The following CARMIL1 variants were observed in gnomAD, a reference collection of about 807,000 sequenced individuals.
CARMIL1 encodes the protein capping protein regulator and myosin 1 linker 1.
CARMIL1 carries 90 observed loss-of-function variants against 177.1 expected under a neutral mutation model. The observed-to-expected ratio is 0.51, with a 90% CI of 0.43 to 0.61. The LOEUF (loss-of-function observed/expected upper bound fraction) is 0.61, where lower values mean the gene tolerates loss of function less well. Among genes scored for constraint, CARMIL1 ranks in the 20% least tolerant of loss-of-function variants. CARMIL1 has a pLI of 0.00. For synonymous variants in CARMIL1, 577 were observed against 606.2 expected (o/e 0.95, Z 0.71); for missense variants, 1,380 against 1,667.0 (o/e 0.83, Z 3.00).
chr6:25,444,213 C>T (rs1306019120), intron 5 of CARMIL1, among the ~76,000 whole-genome samples: 1 of 152,108 alleles, frequency 6.6e-6, no homozygotes, highest in Non-Finnish European at 1.5e-5. Context: ...ATTTTACTCA[C>T]AGTAGAACTT....
At chr6:25,501,177 T>G (rs1804289368) in intron 17 of CARMIL1, among the ~76,000 whole-genome samples, 1 of 152,060 alleles carries the variant, frequency 6.6e-6, no homozygotes, top group African/African-American at 2.4e-5. Flanking sequence ...AGAGCCTGAC[T>G]TAACATGTCA....
chr6:25,366,493 C>T (rs1412169726), intron 2 of CARMIL1, among the ~76,000 whole-genome samples: 3 of 151,846 alleles, frequency 2.0e-5, no homozygotes, highest in Non-Finnish European at 4.4e-5. Context: ...ACACTTTGAT[C>T]AGCTTTGAAC....
At chr6:25,377,721 C>T (rs1791129905) in intron 2 of CARMIL1, among the ~76,000 whole-genome samples, 1 of 152,080 alleles carries the variant, frequency 6.6e-6, no homozygotes, top group Non-Finnish European at 1.5e-5. Flanking sequence ...TCTTGGTTAG[C>T]CAGGGTGTTG....
intron 2 of CARMIL1, among the ~76,000 whole-genome samples, chr6:25,316,901 GC>G (rs1210993011): frequency 6.6e-6 from 1 of 152,144 alleles, no homozygotes; most frequent in Non-Finnish European, 1.5e-5. Flanking sequence ...TTACTAGAAA[GC>G]AGTGCACCTG....
chr6:25,279,774 C>T lies in CARMIL1; in HGVS notation c.-22C>T. ...TAAATCAGAGTTGGACCTGCAATAA[C>T]CCCCACACCTACAGGGCAACCATGA... is the stretch of plus-strand genomic sequence containing the variant. On this transcript the variant is annotated 5_prime_UTR_variant, in exon 1 of 37. Transcript: ENST00000329474. 2 of 1,613,488 alleles carry T rather than the reference C, an allele frequency of 1.2e-6. No homozygotes were observed. The highest frequency in any genetic ancestry group is 1.7e-6 in the Non-Finnish European group (2 of 1,179,450).
At chr6:25,366,746 C>A (rs1789856292) in intron 2 of CARMIL1, among the ~76,000 whole-genome samples, 1 of 151,884 alleles carries the variant, frequency 6.6e-6, no homozygotes, top group Admixed American at 6.6e-5. Flanking sequence ...AGAGAATAAT[C>A]ATGTCTGTAC....
At chr6:25,280,082 G>T (rs1035993889) in intron 1 of CARMIL1, among the ~76,000 whole-genome samples, 1 of 152,190 alleles carries the variant, frequency 6.6e-6, no homozygotes, top group Non-Finnish European at 1.5e-5. Context: ...TGGGAGGAGG[G>T]TCTCGACTGT....
chr6:25,445,613 C>T (rs1180053697), intron 5 of CARMIL1, among the ~76,000 whole-genome samples: 1 of 150,610 alleles, frequency 6.6e-6, no homozygotes, highest in East Asian at 1.9e-4. Flanking sequence ...CGGCTCACTG[C>T]AAGCTCCGCC....
At chr6:25,497,627 A>G (rs184587243) in intron 16 of CARMIL1, among the ~76,000 whole-genome samples, 205 of 152,314 alleles carry the variant, frequency 1.3e-3, no homozygotes, top group African/African-American at 4.4e-3. Flanking sequence ...TCATGGGCTC[A>G]GCAGTGTTCC....
In CARMIL1 at chr6:25,606,311, G is replaced by A. The variant is rs375087549; in HGVS notation, c.3847+38G>A. On this transcript the variant is annotated intron_variant, in intron 35 of 36. Coordinates refer to ENST00000329474, the MANE Select transcript of CARMIL1 (RefSeq NM_017640.6). ...CAGTTAGGGAGTTGCATTGTGACCA[G>A]GTGGCTTCCCAGAGCCAGCTGGATC... The A allele has an allele frequency of 9.9e-4, 1,580 of 1,590,344 alleles. 1 individual carries two copies. Among genetic ancestry groups the A allele is most frequent in the Admixed American group, 3.1e-3 (178 of 57,690 alleles).
intron 2 of CARMIL1, among the ~76,000 whole-genome samples, chr6:25,363,901 C>T (rs569231417): frequency 6.6e-6 from 1 of 152,244 alleles, no homozygotes; most frequent in East Asian, 1.9e-4. Flanking sequence ...CACTTTAACA[C>T]TTTTTAGATT....
intron 9 of CARMIL1, among the ~76,000 whole-genome samples, chr6:25,469,895 A>G (rs1306154746): frequency 6.6e-6 from 1 of 152,202 alleles, no homozygotes; most frequent in Non-Finnish European, 1.5e-5. Flanking sequence ...GTCAAGAACC[A>G]CTTTAAATTA....
At chr6:25,365,256 T>C (rs565403056) in intron 2 of CARMIL1, among the ~76,000 whole-genome samples, 28 of 152,200 alleles carry the variant, frequency 1.8e-4, no homozygotes, top group Admixed American at 3.9e-4. Context: ...GGTTGTAGTA[T>C]AGAGAATAAA....
intron 29 of CARMIL1, among the ~76,000 whole-genome samples, chr6:25,572,199 TTG>T (rs1303276266): frequency 6.6e-6 from 1 of 152,154 alleles, no homozygotes; most frequent in Non-Finnish European, 1.5e-5. Context: ...TTTTCTGTGT[TTG>T]TGTTAGAGAT....
intron 11 of CARMIL1, among the ~76,000 whole-genome samples, chr6:25,477,614 T>G (rs1197029606): frequency 1.4e-5 from 2 of 147,100 alleles, no homozygotes; most frequent in African/African-American, 5.0e-5. Flanking sequence ...TAATAGTTCA[T>G]GACAAGCAAT....
At chr6:25,354,125 T>C (rs1788348810) in intron 2 of CARMIL1, among the ~76,000 whole-genome samples, 1 of 152,070 alleles carries the variant, frequency 6.6e-6, no homozygotes, top group East Asian at 1.9e-4. Context: ...TATGATATGT[T>C]CTGGTCAATT....
chr6:25,471,368 G>T, intron 10 of CARMIL1, 111 bp downstream of exon 10: 1 of 635,086 alleles, frequency 1.6e-6, no homozygotes, highest in South Asian at 2.7e-5. Flanking sequence ...CACATATACA[G>T]CAATGTTTTT....
chr6:25,584,087 GCA>G (rs1166181040), intron 31 of CARMIL1, among the ~76,000 whole-genome samples: 4 of 148,634 alleles, frequency 2.7e-5, no homozygotes, highest in Non-Finnish European at 5.9e-5. Flanking sequence ...GAGTGCAGCG[GCA>G]CAGTCATGCC....
intron 24 of CARMIL1, among the ~76,000 whole-genome samples, chr6:25,533,513 T>A (rs1294361184): frequency 6.6e-6 from 1 of 152,218 alleles, no homozygotes; most frequent in Non-Finnish European, 1.5e-5. Context: ...TTCTTACCAG[T>A]AAACATTAAT....
Sources: allele counts gnomAD v4.1 joint callset (sites outside exome capture counted in the v4.1 genomes callset), GRCh38; gene constraint gnomAD v4.1.1; transcripts MANE v1.5; gene names NCBI Gene and HGNC (gene_info 2026-07-23, HGNC 2026-07-21).